TMOD3: variants seen among roughly 807,000 people sequenced by gnomAD.
The protein encoded by TMOD3 is tropomodulin-3.
TMOD3 carries 20 observed loss-of-function variants against 39.2 expected under a neutral mutation model. That is an observed-to-expected ratio of 0.51 (90% confidence interval 0.36 to 0.74). TMOD3 has a LOEUF of 0.74. TMOD3 is among the 30% of genes least tolerant of loss of function. The pLI is 0.00. For missense variants in TMOD3, 381 were observed against 412.8 expected, an observed-to-expected ratio of 0.92 and a Z score of 0.67; for synonymous variants, 143 against 145.8, an observed-to-expected ratio of 0.98 and a Z score of 0.14.
intron 9 of TMOD3, among the ~76,000 whole-genome samples, chr15:51,906,747 G>T (rs530675974): frequency 4.2e-4 from 64 of 152,164 alleles, no homozygotes; most frequent in Non-Finnish European, 7.6e-4. Context: ...TGGGCTGGGC[G>T]CAGTGGCTCA....
chr15:51,893,356 G>C (rs376467242), intron 5 of TMOD3, among the ~76,000 whole-genome samples: 3 of 148,570 alleles, frequency 2.0e-5, no homozygotes, highest in South Asian at 4.3e-4. Flanking sequence ...ACACATAAAG[G>C]ATCTTTTCGG....
chr15:51,859,778 C>T (rs939052472), intron 1 of TMOD3: 2 of 501,808 alleles, frequency 4.0e-6, no homozygotes, highest in African/African-American at 3.9e-5. Context: ...CCCAGAGTCT[C>T]TATAAACAGT....
intron 2 of TMOD3, 149 bp from the exon 3 acceptor site, chr15:51,869,068 G>A (rs1244561432): frequency 2.7e-6 from 2 of 738,784 alleles, no homozygotes; most frequent in Non-Finnish European, 2.2e-6. Context: ...TGGAGCAATT[G>A]TACATTGCTG....
chr15:51,897,781 C>CAAAAAA (rs35282838), intron 7 of TMOD3, among the ~76,000 whole-genome samples: 4 of 111,050 alleles, frequency 3.6e-5, no homozygotes, highest in African/African-American at 1.0e-4. Context: ...CCACGCCCAG[C>CAAAAAA]AAAAAAAAAA....
intron 9 of TMOD3, 111 bp from the exon 10 acceptor site, chr15:51,908,665 A>G (rs993856956): frequency 4.0e-6 from 3 of 749,402 alleles, no homozygotes; most frequent in South Asian, 3.2e-5. Flanking sequence ...GGACATTTCA[A>G]TTTTGTAAAA....
chr15:51,834,405 T>C (rs1474445718), intron 1 of TMOD3, among the ~76,000 whole-genome samples: 1 of 152,246 alleles, frequency 6.6e-6, no homozygotes, highest in African/African-American at 2.4e-5. Context: ...TTTATTTTTC[T>C]AAGTTTTTCA....
chr15:51,896,039 T>TA (rs1253520072), intron 6 of TMOD3, among the ~76,000 whole-genome samples: 1 of 152,106 alleles, frequency 6.6e-6, no homozygotes, highest in African/African-American at 2.4e-5. Context: ...ACCTGGGAGA[T>TA]AGAGGTTGCA....
intron 1 of TMOD3, among the ~76,000 whole-genome samples, chr15:51,851,021 C>T (rs185966875): frequency 1.8e-4 from 27 of 152,178 alleles, no homozygotes; most frequent in Admixed American, 1.6e-3. Flanking sequence ...CCACCGCACT[C>T]GGCCGGAAGA....
chr15:51,898,500 C>T (rs2056632794), intron 7 of TMOD3, among the ~76,000 whole-genome samples: 1 of 152,146 alleles, frequency 6.6e-6, no homozygotes, highest in Admixed American at 6.5e-5. Flanking sequence ...GAACATTCTG[C>T]CAGGCAGGGA....
intron 1 of TMOD3, among the ~76,000 whole-genome samples, chr15:51,847,039 G>C (rs2056339461): frequency 6.6e-6 from 1 of 152,164 alleles, no homozygotes; most frequent in Admixed American, 6.5e-5. Context: ...AGAAAAAGGG[G>C]AGGTGGGACA....
Position 51,862,962 on chromosome 15 carries a change from A to G in TMOD3, c.78A>G (p.Glu26=), listed in dbSNP as rs1162660062. 6.2e-7 allele frequency: 1 copy of G among 1,613,956 alleles called. No individual in the cohort carries two copies. The highest frequency in any genetic ancestry group is 1.7e-5 in the Admixed American group (1 of 60,006). ...DEDELLGNLS[E]TELKQLETVL... ...ATGAGCTCCTTGGGAATCTGTCAGA[A>G]ACAGAACTGAAACAACTGGAAACTG... The change falls in exon 2 of 10, where the codon GAA becomes GAG. Residue 26 remains glutamate (E), a synonymous_variant. Transcript: ENST00000308580.
intron 1 of TMOD3, chr15:51,860,359 G>T: frequency 5.5e-6 from 3 of 542,232 alleles, no homozygotes; most frequent in Non-Finnish European, 3.7e-6. Context: ...GAATAATCAG[G>T]ATTCTCCACA....
intron 7 of TMOD3, among the ~76,000 whole-genome samples, chr15:51,899,426 G>A (rs1300464147): frequency 1.3e-5 from 2 of 152,196 alleles, no homozygotes; most frequent in Non-Finnish European, 2.9e-5. Flanking sequence ...AGCACTTGGG[G>A]AAGCCGAGGT....
chr15:51,841,691 C>T (rs2056313342), intron 1 of TMOD3, among the ~76,000 whole-genome samples: 2 of 152,218 alleles, frequency 1.3e-5, no homozygotes, highest in Admixed American at 1.3e-4. Context: ...ACTCCCATTT[C>T]TTCTTTCTCT....
intron 1 of TMOD3, among the ~76,000 whole-genome samples, chr15:51,839,983 C>G (rs1022167603): frequency 6.6e-6 from 1 of 152,012 alleles, no homozygotes; most frequent in African/African-American, 2.4e-5. Flanking sequence ...TTACTGAGTC[C>G]CCTTATATTA....
At chr15:51,886,601 G>C (rs2141699604) in intron 3 of TMOD3, among the ~76,000 whole-genome samples, 1 of 152,330 alleles carries the variant, frequency 6.6e-6, no homozygotes, top group African/African-American at 2.4e-5. Context: ...GTTGCAGTGA[G>C]CCGAGATGGC....
At chr15:51,860,338 G>T in intron 1 of TMOD3, 1 of 539,438 alleles carries the variant, frequency 1.9e-6, no homozygotes, top group South Asian at 1.4e-5. Context: ...TTGCCCTTAA[G>T]GATTTCTTCA....
At chr15:51,883,795 A>T (rs1018537712) in intron 3 of TMOD3, among the ~76,000 whole-genome samples, 1 of 152,202 alleles carries the variant, frequency 6.6e-6, no homozygotes, top group Non-Finnish European at 1.5e-5. Flanking sequence ...TGCATATAAC[A>T]TTTAGAACTA....
intron 1 of TMOD3, among the ~76,000 whole-genome samples, chr15:51,846,912 T>C (rs1338377540): frequency 6.6e-6 from 1 of 152,354 alleles, no homozygotes; most frequent in East Asian, 1.9e-4. Flanking sequence ...CATTTGGTGC[T>C]GAGAAACTGG....
Sources: gnomAD v4.1 joint callset for allele counts (sites outside exome capture counted in the v4.1 genomes callset) on GRCh38, gnomAD v4.1.1 for gene constraint, MANE v1.5 for transcripts, NCBI Gene and HGNC (gene_info 2026-07-23, HGNC 2026-07-21) for gene names.